The following LAMC3 variants were observed in gnomAD, a reference collection of about 807,000 sequenced individuals.
LAMC3 encodes the protein laminin subunit gamma 3.
LAMC3 carries 128 observed loss-of-function variants against 173.8 expected under a neutral mutation model. The ratio of observed to expected loss-of-function variants is 0.74; its 90% CI spans 0.64 to 0.85. LAMC3 has a LOEUF of 0.85. Ranked by LOEUF, LAMC3 falls within the 40% of genes least tolerant of loss-of-function variation. The probability of loss-of-function intolerance (pLI) is 0.00; values close to 1 mark genes in which losing one functional copy is unlikely to be tolerated. For synonymous variants in LAMC3, 897 were observed against 909.1 expected, an observed-to-expected ratio of 0.99 and a Z score of 0.24; for missense variants, 2,022 against 2,156.0, an observed-to-expected ratio of 0.94 and a Z score of 1.23.
At chr9:131,070,095 C>T (rs1830013271) in intron 17 of LAMC3, among the ~76,000 whole-genome samples, 2 of 152,218 alleles carry the variant, frequency 1.3e-5, no homozygotes, top group Admixed American at 1.3e-4. Context: ...TGCCTTTCCC[C>T]ACCACGCCAG....
At position 131,086,409 on chromosome 9, in the gene LAMC3, CTTGT is replaced by C. The variant is rs756737296; in HGVS notation, c.4230+697_4230+700del. On this transcript the variant is annotated intron_variant, in intron 25 of 27. Transcript: ENST00000361069. ...TTTTTGGTTTTGTTTTTTTTTTTTG[CTTGT>C]TTGTTTGTTTTTTGTAGAGACAGGG... Among the ~76,000 whole-genome samples the C allele has an allele frequency of 2.8e-4, 37 of 130,730 alleles. No individual in the cohort carries two copies. In the South Asian group the frequency reaches 2.9e-3, roughly 10 times the overall value. The allele number at this position is 130,730 out of a possible 152,430, so 85.8% of individuals were successfully genotyped here. A position where few individuals can be genotyped will look rare whatever the true frequency, so the allele number is the denominator to read the frequency against.
At chr9:131,067,280 A>C (rs112235590) in intron 14 of LAMC3, 75 bp downstream of exon 14, 1 of 1,590,404 alleles carries the variant, frequency 6.3e-7, no homozygotes, top group Non-Finnish European at 8.6e-7. Flanking sequence ...AGGGCCCAGA[A>C]GGGGTGGCTG....
intron 27 of LAMC3, among the ~76,000 whole-genome samples, chr9:131,089,598 G>A (rs924198086): frequency 2.6e-4 from 39 of 149,338 alleles, no homozygotes; most frequent in Non-Finnish European, 4.6e-4. Context: ...ATGTTGCCCA[G>A]GCTGGTCTCA....
chr9:131,062,662 A>C (rs942876856), intron 13 of LAMC3, among the ~76,000 whole-genome samples: 1 of 152,100 alleles, frequency 6.6e-6, no homozygotes, highest in Non-Finnish European at 1.5e-5. Flanking sequence ...TGCGGTCCGG[A>C]GTCTGAGACT....
At chr9:131,080,230 CCT>C (rs1009797767) in intron 23 of LAMC3, 1 of 149,700 alleles carries the variant, frequency 6.7e-6, no homozygotes, top group African/African-American at 2.5e-5. Flanking sequence ...CCTGCCTCGG[CCT>C]CTCAACATGC....
intron 1 of LAMC3, among the ~76,000 whole-genome samples, chr9:131,013,548 T>A (rs1833462925): frequency 6.6e-6 from 1 of 152,180 alleles, no homozygotes; most frequent in African/African-American, 2.4e-5. Flanking sequence ...AACAGGGCCA[T>A]GTGCGGCCCC....
intron 1 of LAMC3, among the ~76,000 whole-genome samples, chr9:131,024,686 C>T (rs539944456): frequency 2.6e-5 from 4 of 152,290 alleles, no homozygotes; most frequent in African/African-American, 9.6e-5. Flanking sequence ...CTGCGTGGGC[C>T]GTTCTTCCCT....
In LAMC3 at chr9:131,091,970, TGA is replaced by T. The variant is rs542650717; in HGVS notation, c.*185_*186del. On this transcript the variant is annotated 3_prime_UTR_variant, in exon 28 of 28. Coordinates refer to ENST00000361069, the MANE Select transcript of LAMC3 (RefSeq NM_006059.4). ...GTGGCTTCTTCCCTGCCAGCAGGAC[TGA>T]GTGTGCGTACCCAGTTCACCTGGAC... The T allele has an allele frequency of 4.8e-4, 342 of 711,152 alleles. 8 individuals are homozygous for T. In the South Asian group the frequency reaches 5.9e-3, roughly 12 times the overall value. 44.1% of individuals were successfully genotyped at this position (711,152 alleles called of 1,614,324 possible). A position where few individuals can be genotyped will look rare whatever the true frequency, so the allele number is the denominator to read the frequency against.
Position 131,041,691 on chromosome 9 carries a change from G to GT in LAMC3, c.1338_1339insT (p.Arg447SerfsTer14). On this transcript the variant is annotated frameshift_variant, in exon 7 of 28. Coordinates refer to ENST00000361069, the MANE Select transcript of LAMC3 (RefSeq NM_006059.4). LOFTEE classifies it high-confidence loss of function. ...TGGACACCTGTGACCCCCGCAGTGGGCGCTGCCCCTGCAAAGAGAATGTGG... is the reference window on the plus strand; with the variant it reads ...TGGACACCTGTGACCCCCGCAGTGGGTCGCTGCCCCTGCAAAGAGAATGTGG... 6.2e-7 allele frequency: 1 copy of GT among 1,614,102 alleles called. No homozygotes were observed. The highest frequency in any genetic ancestry group is 8.5e-7 in the Non-Finnish European group (1 of 1,180,032).
At chr9:131,038,741 C>G (rs1405533011) in intron 4 of LAMC3, 123 bp from the exon 5 acceptor site, 2 of 1,017,002 alleles carry the variant, frequency 2.0e-6, no homozygotes, top group Non-Finnish European at 3.1e-6. Flanking sequence ...CCATTCTGGA[C>G]CATGCTCTTG....
intron 1 of LAMC3, among the ~76,000 whole-genome samples, chr9:131,016,981 T>A (rs896441067): frequency 2.6e-5 from 4 of 152,338 alleles, no homozygotes; most frequent in Admixed American, 1.3e-4. Context: ...TGTTTTAAGA[T>A]GTTTTTCAAA....
intron 6 of LAMC3, among the ~76,000 whole-genome samples, chr9:131,040,834 A>G (rs4740212): frequency 0.37 from 55,803 of 152,076 alleles, 10,771 homozygotes; most frequent in African/African-American, 0.49. Context: ...CCCACAGTGC[A>G]GGCACAGCCT....
Position 131,072,641 on chromosome 9 carries a change from G to A in LAMC3, c.3223G>A (p.Ala1075Thr), listed in dbSNP as rs1830054299. 3 of 1,610,154 alleles carry A rather than the reference G, an allele frequency of 1.9e-6. No homozygotes were observed. The highest frequency in any genetic ancestry group is 4.5e-5 in the East Asian group (2 of 44,852). Reference protein sequence around the residue: ...GHHLLPGAREAFLEQMMSLEG... With the variant: ...GHHLLPGARETFLEQMMSLEG... ...TGGGCTTCCCATAGGGGCTCGGGAA[G>A]CCTTCCTGGAGCAGATGATGAGCCT... Residue 1075 changes from alanine (A) to threonine (T), a missense_variant, in exon 19 of 28, where the codon GCC (alanine) becomes ACC (threonine). Coordinates refer to ENST00000361069, the MANE Select transcript of LAMC3 (RefSeq NM_006059.4).
At chr9:131,023,456 C>A (rs563145282) in intron 1 of LAMC3, among the ~76,000 whole-genome samples, 1 of 152,300 alleles carries the variant, frequency 6.6e-6, no homozygotes, top group African/African-American at 2.4e-5. Context: ...TACCTCTGTT[C>A]ATGCTACCCA....
intron 6 of LAMC3, among the ~76,000 whole-genome samples, chr9:131,040,406 T>C (rs1366588231): frequency 6.6e-6 from 1 of 152,132 alleles, no homozygotes; most frequent in Non-Finnish European, 1.5e-5. Context: ...CTCAAGCTCC[T>C]GGGCTCAAGT....
chr9:131,029,092 A>G lies in LAMC3; in HGVS notation c.678+2503A>G, dbSNP rs778000649. 7.5e-4 allele frequency among the ~76,000 whole-genome samples: 114 copies of G among 152,154 alleles called. 2 individuals are homozygous for G. Among genetic ancestry groups the G allele is most frequent in the Admixed American group, 4.5e-3 (68 of 15,278 alleles). On this transcript the variant is annotated intron_variant, in intron 2 of 27. Coordinates refer to ENST00000361069, the MANE Select transcript of LAMC3 (RefSeq NM_006059.4). This position sits in a 1 kb window ranked among gnomAD's most constrained non-coding sequence, Gnocchi z 4.6. Reference sequence around the variant, plus strand: ...GCCCGAGGCCCCCACCGCAAATCACATCATCCGCATAGACTACCTAGTGTG... The same window carrying G: ...GCCCGAGGCCCCCACCGCAAATCACGTCATCCGCATAGACTACCTAGTGTG...
rs1834314456 is a variant in LAMC3, at chr9:131,052,673, C to A, written c.1813C>A (p.Leu605Ile). Residue 605 changes from leucine to isoleucine, a missense_variant, in exon 10 of 28, where the codon CTC (leucine) becomes ATC (isoleucine). Transcript: ENST00000361069. ...TGCCGGGCATCCCAGGGAGGTAGAG[C>A]TCAGGTTCCAGTAAGTATCCCCTTC... ...QDAGHPREVE[L>I]RFHLQETSED... The A allele has an allele frequency of 2.5e-6, 4 of 1,613,484 alleles. No individual in the cohort carries two copies. Among genetic ancestry groups the A allele is most frequent in the Non-Finnish European group, 3.4e-6 (4 of 1,179,766 alleles).
intron 16 of LAMC3, 101 bp from the exon 17 acceptor site, chr9:131,069,571 C>T (rs750869337): frequency 8.4e-7 from 1 of 1,194,454 alleles, no homozygotes; most frequent in African/African-American, 1.5e-5. Context: ...ATTCTGGGAA[C>T]ACCCAGAACC....
chr9:131,089,319 A>T (rs145646018), intron 27 of LAMC3, among the ~76,000 whole-genome samples: 29 of 152,214 alleles, frequency 1.9e-4, no homozygotes, highest in African/African-American at 7.0e-4. Flanking sequence ...TAACTTAAAA[A>T]AAAAAAAGAA....
Sources: gnomAD v4.1 joint callset for allele counts (sites outside exome capture counted in the v4.1 genomes callset) on GRCh38, gnomAD v4.1.1 for gene constraint, Gnocchi (gnomAD v3.1) non-coding constraint, MANE v1.5 for transcripts, NCBI Gene and HGNC (gene_info 2026-07-23, HGNC 2026-07-21) for gene names.